RASAL2: variants seen among roughly 807,000 people sequenced by gnomAD.
RASAL2 encodes RAS protein activator like 2, also known as ras GTPase-activating protein nGAP.
RASAL2 carries 58 observed loss-of-function variants against 128.9 expected under a neutral mutation model. That is an observed-to-expected ratio of 0.45 (90% CI 0.36 to 0.56). The LOEUF (loss-of-function observed/expected upper bound fraction) is 0.56. Among genes scored for constraint, RASAL2 ranks in the 20% least tolerant of loss-of-function variants. The pLI is 0.00. For synonymous variants in RASAL2, 561 were observed against 580.8 expected (o/e 0.97, Z 0.49); for missense variants, 1,360 against 1,601.6 (o/e 0.85, Z 2.57).
chr1:178,399,732 T>A (rs80354373), intron 4 of RASAL2, among the ~76,000 whole-genome samples: 2,414 of 152,302 alleles, frequency 0.016, 39 homozygotes, highest in Non-Finnish European at 0.024. Context: ...TGACATTGTC[T>A]TCCTGCTTTT....
chr1:178,095,501 A>C (rs1658641879), intron 1 of RASAL2, among the ~76,000 whole-genome samples: 1 of 152,218 alleles, frequency 6.6e-6, no homozygotes, highest in African/African-American at 2.4e-5. Flanking sequence ...CAAGATGTTT[A>C]TCGCCTAGCT....
At chr1:178,334,536 G>A (rs920497027) in intron 3 of RASAL2, among the ~76,000 whole-genome samples, 2 of 151,808 alleles carry the variant, frequency 1.3e-5, no homozygotes, top group Non-Finnish European at 2.9e-5. Flanking sequence ...AGAATCAGGG[G>A]TTCACCATGT....
At chr1:178,424,232 G>T (rs111369037) in intron 5 of RASAL2, among the ~76,000 whole-genome samples, 1,731 of 150,156 alleles carry the variant, frequency 0.012, 24 homozygotes, top group African/African-American at 0.032. Context: ...TTTTTTTTTG[G>T]TTTTTTTTGT....
intron 3 of RASAL2, among the ~76,000 whole-genome samples, chr1:178,350,019 C>A (rs554508287): frequency 2.6e-4 from 40 of 152,342 alleles, no homozygotes; most frequent in African/African-American, 5.8e-4. Context: ...TCTTCCTGTT[C>A]TGAACCATTA....
chr1:178,137,038 T>G (rs1660352611), intron 1 of RASAL2, among the ~76,000 whole-genome samples: 1 of 152,148 alleles, frequency 6.6e-6, no homozygotes. Context: ...TTATTTGTAT[T>G]TAATTTTTAA....
Position 178,311,253 on chromosome 1 carries a change from A to ACACAC in RASAL2, c.457+11135_457+11136insCACAC. On this transcript the variant is annotated intron_variant, in intron 3 of 17. Transcript: ENST00000367649. ...AAGAAAACAGCCATACACACACACA[A>ACACAC]ACACACACACACACACACACACACA... 3.5e-5 allele frequency among the ~76,000 whole-genome samples: 5 copies of ACACAC among 143,708 alleles called. No individual in the cohort carries two copies. The East Asian group carries it at 1.0e-3, about 29-fold the overall frequency. 94.3% of individuals were successfully genotyped at this position (143,708 alleles called of 152,430 possible). A position where few individuals can be genotyped will look rare whatever the true frequency, so the allele number is the denominator to read the frequency against.
At chr1:178,149,147 T>G (rs1203747157) in intron 1 of RASAL2, among the ~76,000 whole-genome samples, 1 of 152,176 alleles carries the variant, frequency 6.6e-6, no homozygotes, top group Non-Finnish European at 1.5e-5. Context: ...GTCTCCAAAT[T>G]ACTCACTAAT....
At chr1:178,456,615 C>T in intron 12 of RASAL2, 106 bp from the exon 13 acceptor site, 1 of 1,224,388 alleles carries the variant, frequency 8.2e-7, no homozygotes, top group Non-Finnish European at 1.2e-6. Flanking sequence ...TTACCCTTCC[C>T]TCCAACCTAC....
intron 4 of RASAL2, among the ~76,000 whole-genome samples, chr1:178,414,584 A>G (rs979451774): frequency 6.6e-6 from 1 of 152,088 alleles, no homozygotes; most frequent in African/African-American, 2.4e-5. Flanking sequence ...AAATCTTTAT[A>G]TCTTCTACTC....
intron 14 of RASAL2, among the ~76,000 whole-genome samples, chr1:178,462,902 A>G (rs753742221): frequency 6.6e-6 from 1 of 152,130 alleles, no homozygotes; most frequent in Non-Finnish European, 1.5e-5. Context: ...ACTAAACCAG[A>G]TCTTTCTTCA....
chr1:178,213,078 CAGGCTGG>C (rs1262124316), intron 1 of RASAL2, among the ~76,000 whole-genome samples: 2 of 152,160 alleles, frequency 1.3e-5, no homozygotes, highest in African/African-American at 4.8e-5. Context: ...CTCTGTTGCC[CAGGCTGG>C]AGTGCAGTGG....
intron 1 of RASAL2, among the ~76,000 whole-genome samples, chr1:178,120,676 T>C (rs1659685684): frequency 6.6e-6 from 1 of 152,230 alleles, no homozygotes; most frequent in African/African-American, 2.4e-5. Flanking sequence ...CTCTGTGCAG[T>C]CAAACCTCTC....
intron 3 of RASAL2, among the ~76,000 whole-genome samples, chr1:178,330,746 A>G (rs1669258507): frequency 6.6e-6 from 1 of 152,168 alleles, no homozygotes; most frequent in Non-Finnish European, 1.5e-5. Context: ...AGGGAAAAAA[A>G]TACTATGTCA....
chr1:178,139,223 T>G (rs1660443590), intron 1 of RASAL2, among the ~76,000 whole-genome samples: 2 of 152,136 alleles, frequency 1.3e-5, no homozygotes, highest in South Asian at 4.2e-4. Context: ...TAATCTCTAG[T>G]GGTATATACT....
Position 178,142,744 on chromosome 1 carries a change from GC to G in RASAL2, c.202+48052del, listed in dbSNP as rs576712595. Among the ~76,000 whole-genome samples the G allele has an allele frequency of 2.2e-4, 33 of 152,244 alleles. No homozygotes were observed. The East Asian group carries it at 6.4e-3, about 29-fold the overall frequency. On this transcript the variant is annotated intron_variant, in intron 1 of 17. Coordinates refer to ENST00000367649, the MANE Select transcript of RASAL2 (RefSeq NM_170692.4). ...GGGTTACTGCAGCCTTGAAAGCGGG[GC>G]CATTTTCACTCTGTAAACCTCGGGG...
chr1:178,113,533 TG>T (rs1482985415), intron 1 of RASAL2, among the ~76,000 whole-genome samples: 3 of 149,656 alleles, frequency 2.0e-5, no homozygotes, highest in African/African-American at 5.0e-5. Flanking sequence ...TGTGTGTGTG[TG>T]TGTGTGTGTG....
intron 1 of RASAL2, among the ~76,000 whole-genome samples, chr1:178,262,467 T>C (rs1047165515): frequency 1.3e-5 from 2 of 152,246 alleles, no homozygotes; most frequent in African/African-American, 4.8e-5. Flanking sequence ...GCTTTAATTT[T>C]AAGAAAGAGT....
chr1:178,192,324 AAG>A (rs1249231990), intron 1 of RASAL2, among the ~76,000 whole-genome samples: 2 of 152,234 alleles, frequency 1.3e-5, no homozygotes, highest in Non-Finnish European at 2.9e-5. Flanking sequence ...GGAGAGTACA[AAG>A]AGAAATGCAT....
chr1:178,149,876 C>T (rs1660856239), intron 1 of RASAL2, among the ~76,000 whole-genome samples: 1 of 152,060 alleles, frequency 6.6e-6, no homozygotes, highest in African/African-American at 2.4e-5. Flanking sequence ...CATTAACTAA[C>T]GGAAACAATT....
Sources: gnomAD v4.1 joint callset for allele counts (sites outside exome capture counted in the v4.1 genomes callset) on GRCh38, gnomAD v4.1.1 for gene constraint, MANE v1.5 for transcripts, NCBI Gene and HGNC (gene_info 2026-07-23, HGNC 2026-07-21) for gene names.